The following SLC5A10 variants were observed in gnomAD, a reference collection of about 807,000 sequenced individuals.
SLC5A10 encodes the protein sodium/mannose cotransporter SLC5A10.
Under a neutral mutation model 68.9 loss-of-function variants are expected in SLC5A10, and 55 were observed. That is an observed-to-expected ratio of 0.80 (90% CI 0.64 to 1.00). The LOEUF (loss-of-function observed/expected upper bound fraction) is 1.00, where lower values mean the gene tolerates loss of function less well. Ranked by LOEUF, SLC5A10 falls within the 50% of genes least tolerant of loss-of-function variation. The probability of loss-of-function intolerance (pLI) is 0.00; values close to 1 mark genes in which losing one functional copy is unlikely to be tolerated. For synonymous variants in SLC5A10, 344 were observed against 344.8 expected, an observed-to-expected ratio of 1.00 and a Z score of 0.02; for missense variants, 732 against 819.3, an observed-to-expected ratio of 0.89 and a Z score of 1.30.
intron 1 of SLC5A10, among the ~76,000 whole-genome samples, chr17:18,956,832 A>G (rs1158887753): frequency 6.6e-6 from 1 of 152,084 alleles, no homozygotes; most frequent in African/African-American, 2.4e-5. Context: ...TGAAAAATCC[A>G]TGTACTCACT....
At chr17:18,957,839 A>T (rs575725838) in intron 1 of SLC5A10, among the ~76,000 whole-genome samples, 32 of 152,356 alleles carry the variant, frequency 2.1e-4, no homozygotes, top group African/African-American at 5.8e-4. Context: ...ACCTGTAGCT[A>T]GCTCCAAAAC....
chr17:18,985,198 G>A (rs928787657), intron 9 of SLC5A10, among the ~76,000 whole-genome samples: 2 of 152,210 alleles, frequency 1.3e-5, no homozygotes, highest in Non-Finnish European at 2.9e-5. Flanking sequence ...AAGGGAGCTC[G>A]TGACCGAAGG....
intron 9 of SLC5A10, among the ~76,000 whole-genome samples, chr17:19,008,177 T>G (rs1184623276): frequency 2.0e-5 from 3 of 152,196 alleles, no homozygotes; most frequent in African/African-American, 7.2e-5. Context: ...CCAGCCAGGC[T>G]CATAGGGAAT....
At chr17:18,955,375 T>C (rs549872623) in intron 1 of SLC5A10, among the ~76,000 whole-genome samples, 1 of 152,282 alleles carries the variant, frequency 6.6e-6, no homozygotes, top group African/African-American at 2.4e-5. Flanking sequence ...AGTTTCCTCA[T>C]TGGTAACATG....
rs1567816098 is a variant in SLC5A10 at position 19,017,644 on chromosome 17, A to C, written c.1242-1779A>C. 7 of 459,182 alleles carry C rather than the reference A, an allele frequency of 1.5e-5. No homozygotes were observed. Among genetic ancestry groups the C allele is most frequent in the Non-Finnish European group, 2.4e-5 (6 of 253,010 alleles). The allele number at this position is 459,182 out of a possible 1,614,324, so 28.4% of individuals were successfully genotyped here. On this transcript the variant is annotated intron_variant, in intron 11 of 14. Transcript: ENST00000395645. This position sits in a 1 kb window ranked among gnomAD's most constrained non-coding sequence, Gnocchi z 5.6. ...CCACACCTCAGTCCACTGTTCCGCC[A>C]CTGCCCCCCTGCCCCACTCTCCCCT... is the stretch of plus-strand genomic sequence containing the variant.
At chr17:18,988,422 C>G in intron 9 of SLC5A10, 1 of 1,613,548 alleles carries the variant, frequency 6.2e-7, no homozygotes, top group Non-Finnish European at 8.5e-7. Flanking sequence ...CACCTGGGAG[C>G]AAGAAGAGAG....
At chr17:18,967,886 A>G (rs1436056755) in intron 5 of SLC5A10, among the ~76,000 whole-genome samples, 1 of 66,774 alleles carries the variant, frequency 1.5e-5, no homozygotes, top group Admixed American at 1.7e-4. Flanking sequence ...ACCCCCCACC[A>G]CACCTTCCCC....
Position 18,959,166 on chromosome 17 carries a change from G to A in SLC5A10, c.215G>A (p.Gly72Asp), listed in dbSNP as rs761263626. ...IGASLFASSE[G>D]SGLFIGLAGS... Reference sequence around the variant, plus strand: ...GCCTCCCTCTTCGCCAGCAGCGAGGGCTCTGGCCTCTTCATTGGACTGGCG... The same window carrying A: ...GCCTCCCTCTTCGCCAGCAGCGAGGACTCTGGCCTCTTCATTGGACTGGCG... Residue 72 changes from glycine (G) to aspartate (D), a missense_variant, in exon 3 of 15, where the codon GGC becomes GAC. Physicochemically the swap from Gly to Asp is moderately conservative, Grantham distance 94. Coordinates refer to ENST00000395645, the MANE Select transcript of SLC5A10 (RefSeq NM_001042450.4). 1 of 1,613,798 alleles carries A rather than the reference G, an allele frequency of 6.2e-7. No homozygotes were observed. The highest frequency in any genetic ancestry group is 8.5e-7 in the Non-Finnish European group (1 of 1,179,872).
chr17:19,015,719 G>T (rs2044126084), intron 11 of SLC5A10, among the ~76,000 whole-genome samples: 1 of 152,130 alleles, frequency 6.6e-6, no homozygotes, highest in Admixed American at 6.5e-5. Context: ...CCTCCGTGCA[G>T]TCCTCCCTGA....
intron 9 of SLC5A10, among the ~76,000 whole-genome samples, chr17:18,991,686 G>T (rs928581727): frequency 6.6e-6 from 1 of 152,202 alleles, no homozygotes; most frequent in African/African-American, 2.4e-5. Context: ...GGGCACGTGT[G>T]TGTCCTGCAC....
intron 9 of SLC5A10, chr17:18,979,661 G>A (rs762633328): frequency 3.1e-6 from 5 of 1,613,202 alleles, no homozygotes; most frequent in African/African-American, 2.7e-5. Flanking sequence ...CCGCTGCTCC[G>A]CACTCTGAGA....
chr17:18,971,287 G>C lies in SLC5A10; in HGVS notation c.846+69G>C. 2.5e-6 allele frequency: 4 copies of C among 1,609,862 alleles called. No homozygotes were observed. The highest frequency in any genetic ancestry group is 3.4e-6 in the Non-Finnish European group (4 of 1,177,182). On this transcript the variant is annotated intron_variant, in intron 8 of 14. Coordinates refer to ENST00000395645, the MANE Select transcript of SLC5A10 (RefSeq NM_001042450.4). The surrounding 1 kb of genome is among the most constrained non-coding windows in gnomAD (Gnocchi z 5.5). Reference sequence around the variant, plus strand: ...CAGTGGGCTCTGGTAGGCCCAGGCGGCCTGTCTGCCCTCCGCGTCATGAGT... The same window carrying C: ...CAGTGGGCTCTGGTAGGCCCAGGCGCCCTGTCTGCCCTCCGCGTCATGAGT...
rs142113789 is a variant in SLC5A10 at position 18,960,595 on chromosome 17, G to C, written c.396G>C (p.Arg132=). The change falls in exon 5 of 15, where the codon CGG becomes CGC. Residue 132 remains arginine (R), a synonymous_variant. Coordinates refer to ENST00000395645, the MANE Select transcript of SLC5A10 (RefSeq NM_001042450.4). ...TTCAGAAGCGCTACGGGGGCCAGCG[G>C]ATCCGCATGTACCTGTCTGTCCTGT... ...EYIQKRYGGQ[R]IRMYLSVLSL... is the part of the protein sequence containing the mutation. 95 of 1,614,036 alleles carry C rather than the reference G, an allele frequency of 5.9e-5. 1 individual carries two copies. The African/African-American group carries it at 1.2e-3, about 20-fold the overall frequency.
At chr17:18,965,086 T>TGA (rs1567780704) in intron 5 of SLC5A10, among the ~76,000 whole-genome samples, 126 of 144,784 alleles carry the variant, frequency 8.7e-4, no homozygotes, top group African/African-American at 3.0e-3. Flanking sequence ...AGAGGTTTTT[T>TGA]TAAAAAAAAA....
At chr17:18,993,209 G>A (rs983532005) in intron 9 of SLC5A10, among the ~76,000 whole-genome samples, 17 of 152,042 alleles carry the variant, frequency 1.1e-4, no homozygotes, top group Non-Finnish European at 4.4e-5. Context: ...TCTCCCCGAC[G>A]CGTCCTGCCT....
At chr17:18,965,570 G>C (rs1402309202) in intron 5 of SLC5A10, among the ~76,000 whole-genome samples, 1 of 152,202 alleles carries the variant, frequency 6.6e-6, no homozygotes, top group South Asian at 2.1e-4. Context: ...CATCGGCTGG[G>C]AGATGGAGTG....
At chr17:18,967,199 A>G (rs1233179609) in intron 5 of SLC5A10, among the ~76,000 whole-genome samples, 2 of 152,198 alleles carry the variant, frequency 1.3e-5, no homozygotes, top group Non-Finnish European at 2.9e-5. Context: ...GCCTCTAGCA[A>G]CAGCAGCAAA....
chr17:18,951,247 C>T (rs1282882028), upstream of SLC5A10, among the ~76,000 whole-genome samples: 2 of 152,242 alleles, frequency 1.3e-5, no homozygotes, highest in Non-Finnish European at 2.9e-5. Context: ...AGTGAGCGAG[C>T]GTCCCACTCT....
Position 19,015,202 on chromosome 17 carries a change from A to G in SLC5A10, c.1241+3A>G, listed in dbSNP as rs760054965. 3 of 589,882 alleles carry G rather than the reference A, an allele frequency of 5.1e-6. No individual in the cohort carries two copies. Among genetic ancestry groups the G allele is most frequent in the East Asian group, 4.2e-5 (1 of 24,012 alleles). 36.5% of individuals were successfully genotyped at this position (589,882 alleles called of 1,614,324 possible). A position where few individuals can be genotyped will look rare whatever the true frequency, so the allele number is the denominator to read the frequency against. On this transcript the variant is annotated splice_donor_region_variant and intron_variant, in intron 11 of 14. Coordinates refer to ENST00000395645, the MANE Select transcript of SLC5A10 (RefSeq NM_001042450.4). ...CGGGAGCTCCTGCTGGTGGGACGGTACGGGGGTGGGGGCCAGTACGGGGGT... is the reference window on the plus strand; with the variant it reads ...CGGGAGCTCCTGCTGGTGGGACGGTGCGGGGGTGGGGGCCAGTACGGGGGT...
Sources: allele counts gnomAD v4.1 joint callset (sites outside exome capture counted in the v4.1 genomes callset), GRCh38; gene constraint gnomAD v4.1.1; non-coding constraint Gnocchi (gnomAD v3.1); transcripts MANE v1.5; gene names NCBI Gene and HGNC (gene_info 2026-07-23, HGNC 2026-07-21).